PNCK: variants seen among roughly 807,000 people sequenced by gnomAD.
The protein encoded by PNCK is calcium/calmodulin-dependent protein kinase type 1B.
A neutral mutation model predicts 28.3 loss-of-function variants in PNCK; 21 were observed. The observed-to-expected ratio is 0.74, with a 90% CI of 0.53 to 1.07. The LOEUF is 1.07. PNCK is among the 50% of genes least tolerant of loss of function. The pLI, the probability that PNCK is intolerant of heterozygous loss-of-function variation, is 0.00. For synonymous variants in PNCK, 136 were observed against 125.2 expected, an observed-to-expected ratio of 1.09 and a Z score of -0.58; for missense variants, 250 against 298.3, an observed-to-expected ratio of 0.84 and a Z score of 1.19.
At chrX:153,685,899 G>A (rs782001735) in intron 1 of PNCK, among the ~76,000 whole-genome samples, 13 of 112,707 alleles carry the variant, frequency 1.2e-4, no homozygotes, top group Non-Finnish European at 2.1e-4. Context: ...CCCAGGGGCT[G>A]GTAGTGGGTG....
At chrX:153,670,892 G>A (rs368721596) in intron 9 of PNCK, 26 bp downstream of exon 9, 34 of 1,210,532 alleles carry the variant, frequency 2.8e-5, no homozygotes, top group Admixed American at 1.1e-4. Flanking sequence ...CTGGCCCTGG[G>A]GCAGCTCAGC....
At chrX:153,674,883 GT>G (rs782279445), upstream of PNCK, 16 of 111,929 alleles carry the variant, frequency 1.4e-4, no homozygotes, top group African/African-American at 4.9e-4. Context: ...GGCAGGAAGA[GT>G]TTTTAAAAAA....
At chrX:153,674,164 A>G (rs1161779966), upstream of PNCK, 1 of 1,206,110 alleles carries the variant, frequency 8.3e-7, no homozygotes, top group African/African-American at 1.7e-5. Flanking sequence ...CTTGCCCGAA[A>G]GCAGCCTCCA....
chrX:153,680,698 G>A (rs929601753), intron 1 of PNCK, among the ~76,000 whole-genome samples: 2 of 109,824 alleles, frequency 1.8e-5, no homozygotes, highest in Non-Finnish European at 3.8e-5. Context: ...CTGCACTCCA[G>A]CCTGGGCAAC....
rs10542443 is a variant in PNCK, at chrX:153,672,954, TACACACACAC to T, written c.68+45_68+54del. The T allele has an allele frequency of 1.1e-3, 1,137 of 1,056,348 alleles. 5 individuals carry two copies. In the African/African-American group the frequency reaches 0.017, roughly 16 times the overall value. 87.1% of individuals were successfully genotyped at this position (1,056,348 alleles called of 1,213,427 possible). A position where few individuals can be genotyped will look rare whatever the true frequency, so the allele number is the denominator to read the frequency against. On this transcript the variant is annotated intron_variant, in intron 2 of 11. Coordinates refer to ENST00000340888, the MANE Select transcript of PNCK (RefSeq NM_001366977.1). ...ACACACACATGCCATCTCACACAGG[TACACACACAC>T]ACACACACACACACACACGATCACA...
chrX:153,681,731 A>T (rs1328516526), intron 1 of PNCK, among the ~76,000 whole-genome samples: 1 of 112,524 alleles, frequency 8.9e-6, no homozygotes, highest in Admixed American at 9.4e-5. Context: ...ACTGATGTTG[A>T]TTCATTAATT....
At chrX:153,670,856 G>C (rs373728749) in intron 9 of PNCK, 25 bp from the exon 10 acceptor site, 69 of 1,209,308 alleles carry the variant, frequency 5.7e-5, no homozygotes, top group Non-Finnish European at 7.6e-5. Context: ...AAGGTCAGGG[G>C]GGGTCTCTCT....
Position 153,671,759 on chromosome X carries a change from G to T in PNCK, c.415-87C>A, listed in dbSNP as rs1026782570. ...CAGGATGGGGACTAGGCACTCTCAGGTTCCCCAGAGCCTTGGTGGAGCAGG... is the reference window on the plus strand; with the variant it reads ...CAGGATGGGGACTAGGCACTCTCAGTTTCCCCAGAGCCTTGGTGGAGCAGG... On this transcript the variant is annotated intron_variant, in intron 5 of 11. Coordinates refer to ENST00000340888, the MANE Select transcript of PNCK (RefSeq NM_001366977.1). 11 of 1,162,227 alleles carry T rather than the reference G, an allele frequency of 9.5e-6. No individual in the cohort carries two copies. In the African/African-American group the frequency reaches 1.1e-4, roughly 11 times the overall value.
rs371353486 is a variant in PNCK at position 153,673,042 on chromosome X, C to G, written c.35G>C (p.Ser12Thr). The G allele has an allele frequency of 8.3e-7, 1 of 1,197,729 alleles. No homozygotes were observed. The highest frequency in any genetic ancestry group is 2.2e-5 in the Admixed American group (1 of 45,007). The stretch of plus-strand genomic sequence containing the variant: ...CCTCTCGCGGATCTCGTAGACGCTG[C>G]TGATGTCCTCCGTGTGTTTCTTCAG... ...LLLKKHTEDI[S>T]SVYEIRERLG... is the part of the protein sequence containing the mutation. The change falls in exon 2 of 12, where the codon AGC (serine) becomes ACC (threonine). Residue 12 changes from serine (S) to threonine (T), a missense_variant. Coordinates refer to ENST00000340888, the MANE Select transcript of PNCK (RefSeq NM_001366977.1).
At position 153,680,664 on chromosome X, in the gene PNCK, T is replaced by A. The variant is rs781785697; in HGVS notation, c.-3+6767A>T. ...ATCACTTGAACCCGGGAGGTGGAGG[T>A]TGCAGTGAGCCAAGATTGTGCCACT... On this transcript the variant is annotated intron_variant, in intron 1 of 3. Transcript: ENST00000419804. Among the ~76,000 whole-genome samples, 3 of 108,400 alleles carry A rather than the reference T, an allele frequency of 2.8e-5. No homozygotes were observed. In the East Asian group the frequency reaches 8.6e-4, roughly 31 times the overall value. 94.1% of individuals were successfully genotyped at this position (108,400 alleles called of 115,157 possible).
upstream of PNCK, among the ~76,000 whole-genome samples, chrX:153,676,632 G>A (rs1411805108): frequency 1.8e-5 from 2 of 111,787 alleles, no homozygotes; most frequent in Non-Finnish European, 3.8e-5. Flanking sequence ...GGGAGGCCAA[G>A]GTGGGCAAAT....
intron 1 of PNCK, among the ~76,000 whole-genome samples, chrX:153,684,285 TG>T (rs1390298654): frequency 5.3e-5 from 6 of 112,576 alleles, no homozygotes; most frequent in Non-Finnish European, 1.1e-4. Context: ...AATATATGCA[TG>T]TAACAGAACC....
At chrX:153,674,052 G>A (rs781795152), upstream of PNCK, 18 of 1,205,321 alleles carry the variant, frequency 1.5e-5, no homozygotes, top group East Asian at 3.0e-5. Flanking sequence ...TTGCACCACC[G>A]GTGGCTGTCT....
At chrX:153,686,057 G>A (rs1404204314) in intron 1 of PNCK, among the ~76,000 whole-genome samples, 1 of 112,134 alleles carries the variant, frequency 8.9e-6, no homozygotes, top group Non-Finnish European at 1.9e-5. Context: ...CTCCCACTCC[G>A]AGGGTCCATG....
At chrX:153,674,022 C>A (rs782268171), upstream of PNCK, 1 of 1,191,209 alleles carries the variant, frequency 8.4e-7, no homozygotes, top group Non-Finnish European at 1.1e-6. Flanking sequence ...TGCGGCCCGG[C>A]TGGGCCGGCC....
At chrX:153,673,126 G>C (rs781834316) in intron 1 of PNCK, 48 bp from the exon 2 acceptor site, 7 of 1,177,862 alleles carry the variant, frequency 5.9e-6, no homozygotes, top group Non-Finnish European at 6.9e-6. Context: ...CGCCCCGCCG[G>C]GGGCAAGGGC....
intron 11 of PNCK, 98 bp from the exon 12 acceptor site, chrX:153,670,228 A>T: frequency 2.2e-6 from 1 of 464,690 alleles, no homozygotes; most frequent in Non-Finnish European, 3.6e-6. Flanking sequence ...GACTTCTTAG[A>T]GGCCCTCTCC....
At chrX:153,685,051 A>G (rs2091412678) in intron 1 of PNCK, among the ~76,000 whole-genome samples, 1 of 94,031 alleles carries the variant, frequency 1.1e-5, no homozygotes, top group African/African-American at 4.0e-5. Flanking sequence ...GTCGCAGGGC[A>G]CCCCCACCCC....
At position 153,671,365 on chromosome X, in the gene PNCK, G is replaced by A. The variant is rs1557039760; in HGVS notation, c.539-5C>T. ...TCTGCTCCAAGAGCTCTGGGGCTGG[G>A]GGCCAGAGACAGACAGACGCACGCA... On this transcript the variant is annotated splice_region_variant and splice_polypyrimidine_tract_variant and intron_variant, in intron 6 of 11. Transcript: ENST00000340888. The A allele has an allele frequency of 2.5e-6, 3 of 1,212,077 alleles. No individual in the cohort carries two copies. Among genetic ancestry groups the A allele is most frequent in the East Asian group, 5.9e-5 (2 of 33,852 alleles).
Sources: gnomAD v4.1 joint callset for allele counts (sites outside exome capture counted in the v4.1 genomes callset) on GRCh38, gnomAD v4.1.1 for gene constraint, MANE v1.5 for transcripts, NCBI Gene and HGNC (gene_info 2026-07-23, HGNC 2026-07-21) for gene names.